The following ESR1 variants were observed in gnomAD, a reference collection of about 807,000 sequenced individuals.
ESR1 encodes estrogen receptor 1, also known as estrogen receptor.
Under a neutral mutation model 52.7 loss-of-function variants are expected in ESR1, and 12 were observed. The observed-to-expected ratio is 0.23, with a 90% CI of 0.15 to 0.37. The LOEUF is 0.37. ESR1 is among the 10% of genes least tolerant of loss of function. The pLI, the probability that ESR1 is intolerant of heterozygous loss-of-function variation, is 1.00. For synonymous variants in ESR1, 305 were observed against 316.8 expected (o/e 0.96, Z 0.39); for missense variants, 584 against 779.7 (o/e 0.75, Z 2.99).
chr6:151,663,654 G>A (rs1028996766), intron 1 of ESR1, among the ~76,000 whole-genome samples: 1 of 152,096 alleles, frequency 6.6e-6, no homozygotes, highest in Non-Finnish European at 1.5e-5. Flanking sequence ...ACTGTGCTTG[G>A]TGCTAACAGT....
upstream of ESR1, among the ~76,000 whole-genome samples, chr6:151,688,983 A>G (rs1562330610): frequency 6.6e-6 from 1 of 152,224 alleles, no homozygotes. Context: ...TTAAAGGATA[A>G]TTAAGTTAAT....
chr6:152,103,098 CT>C lies in ESR1; in HGVS notation c.*4136del. ...ATTGTGTTTGATGGATTAATATGCCCTTTTGCCGATGCATACTATTACTGAT... is the reference window on the plus strand; with the variant it reads ...ATTGTGTTTGATGGATTAATATGCCCTTTGCCGATGCATACTATTACTGAT... On this transcript the variant is annotated 3_prime_UTR_variant, in exon 8 of 8. Coordinates refer to ENST00000206249, the MANE Select transcript of ESR1 (RefSeq NM_000125.4). 4.5e-6 allele frequency: 1 copy of C among 219,794 alleles called. No homozygotes were observed. 13.6% of individuals were successfully genotyped at this position (219,794 alleles called of 1,614,324 possible).
rs950926808 is a variant in ESR1, at chr6:151,792,447, AT to A, written c.-70-15387del. On this transcript the variant is annotated intron_variant, in intron 2 of 2. Coordinates refer to the ESR1 transcript ENST00000404742. ...TTTTTTTTTTACTTTATAAACTTTA[AT>A]TTTTTTTTAGAGATAGGGTCTTGCT... Among the ~76,000 whole-genome samples the A allele has an allele frequency of 3.0e-3, 451 of 150,944 alleles. 6 individuals are homozygous for A. The highest frequency in any genetic ancestry group is 0.028 in the East Asian group (146 of 5,148).
intron 3 of ESR1, 80 bp from the exon 4 acceptor site, chr6:151,944,093 G>T: frequency 8.3e-7 from 1 of 1,202,258 alleles, no homozygotes; most frequent in East Asian, 2.4e-5. Context: ...AATGAAAGCT[G>T]GTTAGCTTTG....
intron 2 of ESR1, among the ~76,000 whole-genome samples, chr6:151,723,062 T>C (rs1403656371): frequency 6.6e-6 from 1 of 152,174 alleles, no homozygotes; most frequent in Non-Finnish European, 1.5e-5. Context: ...TAGATTACTA[T>C]AAAATATAAC....
intron 1 of ESR1, among the ~76,000 whole-genome samples, chr6:151,826,897 AG>A (rs1162673225): frequency 6.6e-6 from 1 of 152,188 alleles, no homozygotes; most frequent in African/African-American, 2.4e-5. Context: ...GTCTTGAATA[AG>A]GGAGGGAATA....
chr6:152,094,713 A>G lies in ESR1; in HGVS notation c.1553+145A>G, dbSNP rs1251476791. 1.3e-6 allele frequency: 1 copy of G among 777,098 alleles called. No homozygotes were observed. Among genetic ancestry groups the G allele is most frequent in the South Asian group, 1.5e-5 (1 of 64,632 alleles). 48.1% of individuals were successfully genotyped at this position (777,098 alleles called of 1,614,324 possible). ...CTGGCATAGAATAAGCATAAATGCTATAGGAGGACAGAAGAGAGAGGTTTT... is the reference window on the plus strand; with the variant it reads ...CTGGCATAGAATAAGCATAAATGCTGTAGGAGGACAGAAGAGAGAGGTTTT... On this transcript the variant is annotated intron_variant, in intron 7 of 7. Transcript: ENST00000206249. The surrounding 1 kb of genome is among the most constrained non-coding windows in gnomAD (Gnocchi z 4.6).
intron 2 of ESR1, among the ~76,000 whole-genome samples, chr6:151,752,455 T>C (rs1783969469): frequency 6.6e-6 from 1 of 150,804 alleles, no homozygotes; most frequent in Non-Finnish European, 1.5e-5. Flanking sequence ...TTTTCATATC[T>C]ATACTGCAAC....
intron 4 of ESR1, among the ~76,000 whole-genome samples, chr6:151,970,437 A>G (rs2038791296): frequency 6.6e-6 from 1 of 152,094 alleles, no homozygotes; most frequent in Non-Finnish European, 1.5e-5. Context: ...AAATCCCTTC[A>G]AGGTTGAGTC....
chr6:151,834,123 T>G (rs1391292958), intron 1 of ESR1, among the ~76,000 whole-genome samples: 1 of 152,134 alleles, frequency 6.6e-6, no homozygotes, highest in East Asian at 1.9e-4. Context: ...GTTCAGCCAT[T>G]GTGGAAGACA....
At chr6:151,814,679 C>T (rs1233227421) in intron 1 of ESR1, among the ~76,000 whole-genome samples, 1 of 152,186 alleles carries the variant, frequency 6.6e-6, no homozygotes, top group Non-Finnish European at 1.5e-5. Context: ...AAGAAATTTT[C>T]AATTAGTAGA....
chr6:151,725,343 T>C (rs968124323), intron 2 of ESR1, among the ~76,000 whole-genome samples: 4 of 152,218 alleles, frequency 2.6e-5, no homozygotes, highest in African/African-American at 4.8e-5. Context: ...TGGTTGTAAA[T>C]GTAATAGTGT....
chr6:151,817,031 T>A (rs1385871027), intron 1 of ESR1, among the ~76,000 whole-genome samples: 2 of 152,134 alleles, frequency 1.3e-5, no homozygotes, highest in African/African-American at 4.8e-5. Flanking sequence ...GAAGCTATGA[T>A]GTACAGAGGG....
intron 1 of ESR1, among the ~76,000 whole-genome samples, chr6:151,681,992 G>C (rs552502326): frequency 6.6e-6 from 1 of 152,200 alleles, no homozygotes; most frequent in African/African-American, 2.4e-5. Flanking sequence ...ACAGGGCGCG[G>C]AGAAACTGAA....
rs747351078 is a variant in ESR1 at position 152,103,106 on chromosome 6, G to A, written c.*4140G>A. The stretch of plus-strand genomic sequence containing the variant: ...TGATGGATTAATATGCCCTTTTGCC[G>A]ATGCATACTATTACTGATGTGACTC... On this transcript the variant is annotated 3_prime_UTR_variant, in exon 8 of 8. Transcript: ENST00000206249. The A allele has an allele frequency of 1.4e-5, 3 of 219,364 alleles. No homozygotes were observed. The highest frequency in any genetic ancestry group is 5.8e-5 in the Admixed American group (1 of 17,232). The allele number at this position is 219,364 out of a possible 1,614,324, so 13.6% of individuals were successfully genotyped here.
At chr6:151,859,893 T>C (rs1477175076) in intron 2 of ESR1, among the ~76,000 whole-genome samples, 2 of 152,246 alleles carry the variant, frequency 1.3e-5, no homozygotes, top group East Asian at 1.9e-4. Flanking sequence ...ATTTCCTCAA[T>C]TGTGAATGGC....
intron 6 of ESR1, among the ~76,000 whole-genome samples, chr6:152,067,376 A>G (rs2048042764): frequency 6.6e-6 from 1 of 152,310 alleles, no homozygotes; most frequent in East Asian, 1.9e-4. Context: ...AGATGTTAGG[A>G]GCCATTTTCC....
At chr6:152,112,108 C>T (rs559422878) in intron 6 of ESR1, among the ~76,000 whole-genome samples, 120 of 152,240 alleles carry the variant, frequency 7.9e-4, no homozygotes, top group African/African-American at 2.7e-3. Context: ...AATGTTGGTA[C>T]CCACTGGTTT....
chr6:151,845,985 A>G (rs1194012195), intron 2 of ESR1, among the ~76,000 whole-genome samples: 1 of 152,120 alleles, frequency 6.6e-6, no homozygotes, highest in Non-Finnish European at 1.5e-5. Flanking sequence ...TAAACCAGCA[A>G]TTAGATGATG....
Sources: gnomAD v4.1 joint callset for allele counts (sites outside exome capture counted in the v4.1 genomes callset) on GRCh38, gnomAD v4.1.1 for gene constraint, Gnocchi (gnomAD v3.1) non-coding constraint, MANE v1.5 for transcripts, NCBI Gene and HGNC (gene_info 2026-07-23, HGNC 2026-07-21) for gene names.